Variants in SYNDIG1 observed in about 807,000 individuals in gnomAD.
SYNDIG1 encodes synapse differentiation inducing 1.
A neutral mutation model predicts 19.4 loss-of-function variants in SYNDIG1; 9 were observed. The ratio of observed to expected loss-of-function variants is 0.46; its 90% CI spans 0.28 to 0.81. The LOEUF (loss-of-function observed/expected upper bound fraction) is 0.81, where lower values mean the gene tolerates loss of function less well. Ranked by LOEUF, SYNDIG1 falls within the 30% of genes least tolerant of loss-of-function variation. The probability of loss-of-function intolerance (pLI) is 0.12; values close to 1 mark genes in which losing one functional copy is unlikely to be tolerated. For missense variants in SYNDIG1, 311 were observed against 343.3 expected, an observed-to-expected ratio of 0.91 and a Z score of 0.74; for synonymous variants, 141 against 145.9, an observed-to-expected ratio of 0.97 and a Z score of 0.24.
At chr20:24,517,462 C>CA (rs2056899957) in intron 1 of SYNDIG1, among the ~76,000 whole-genome samples, 1 of 149,302 alleles carries the variant, frequency 6.7e-6, no homozygotes, top group East Asian at 2.0e-4. Flanking sequence ...AAAAATACAA[C>CA]AAAAAAATTA....
At chr20:24,549,043 A>G in intron 2 of SYNDIG1, among the ~76,000 whole-genome samples, 1 of 152,166 alleles carries the variant, frequency 6.6e-6, no homozygotes, top group Non-Finnish European at 1.5e-5. Flanking sequence ...TCATTATCTC[A>G]AACTTTGATC....
chr20:24,606,082 A>C (rs149310665), intron 3 of SYNDIG1, among the ~76,000 whole-genome samples: 1 of 152,384 alleles, frequency 6.6e-6, no homozygotes, highest in Non-Finnish European at 1.5e-5. Flanking sequence ...GCTTCTGGTC[A>C]CTATCTGTGG....
chr20:24,634,128 C>A (rs1268494175), intron 3 of SYNDIG1, among the ~76,000 whole-genome samples: 1 of 152,218 alleles, frequency 6.6e-6, no homozygotes, highest in African/African-American at 2.4e-5. Flanking sequence ...AGCCCCTCCT[C>A]CAGGGGGACC....
intron 2 of SYNDIG1, among the ~76,000 whole-genome samples, chr20:24,583,293 G>C (rs2058360465): frequency 6.6e-6 from 1 of 152,232 alleles, no homozygotes; most frequent in African/African-American, 2.4e-5. Flanking sequence ...GGGCCCACCT[G>C]CACTTTTGTC....
chr20:24,470,613 A>T (rs555814763), intron 1 of SYNDIG1, among the ~76,000 whole-genome samples: 1 of 152,208 alleles, frequency 6.6e-6, no homozygotes, highest in East Asian at 1.9e-4. Context: ...TCACTGGATG[A>T]GTTGGGCACT....
chr20:24,517,302 A>G (rs1376288813), intron 1 of SYNDIG1, among the ~76,000 whole-genome samples: 1 of 143,910 alleles, frequency 6.9e-6, no homozygotes, highest in African/African-American at 2.7e-5. Context: ...AAGTATAATA[A>G]AAAAAAAAAT....
intron 1 of SYNDIG1, among the ~76,000 whole-genome samples, chr20:24,510,007 C>A (rs2056701203): frequency 6.6e-6 from 1 of 152,180 alleles, no homozygotes; most frequent in South Asian, 2.1e-4. Flanking sequence ...CCCGCTCACT[C>A]TTGTTCCTGC....
chr20:24,528,650 C>T (rs1008584214), intron 1 of SYNDIG1, among the ~76,000 whole-genome samples: 5 of 152,124 alleles, frequency 3.3e-5, no homozygotes, highest in Admixed American at 6.5e-5. Context: ...ATCCTATGGG[C>T]GAGGGCTTAA....
At chr20:24,615,355 C>T (rs922748042) in intron 3 of SYNDIG1, among the ~76,000 whole-genome samples, 18 of 152,270 alleles carry the variant, frequency 1.2e-4, no homozygotes, top group East Asian at 1.9e-4. Flanking sequence ...GGGTGATGAG[C>T]GAGACCTGGG....
At chr20:24,624,152 C>T (rs1407213074) in intron 3 of SYNDIG1, among the ~76,000 whole-genome samples, 2 of 150,276 alleles carry the variant, frequency 1.3e-5, no homozygotes, top group African/African-American at 2.4e-5. Flanking sequence ...GTCCCAGCTA[C>T]TTGGGAGGCA....
intron 1 of SYNDIG1, among the ~76,000 whole-genome samples, chr20:24,522,590 G>C (rs907866412): frequency 6.6e-6 from 1 of 152,154 alleles, no homozygotes; most frequent in African/African-American, 2.4e-5. Flanking sequence ...ATTTCACTCT[G>C]TGGGATGAGG....
intron 1 of SYNDIG1, among the ~76,000 whole-genome samples, chr20:24,473,058 C>T (rs2055515961): frequency 6.6e-6 from 1 of 152,188 alleles, no homozygotes; most frequent in Non-Finnish European, 1.5e-5. Flanking sequence ...ATGCAGGCTC[C>T]ATCTCAGAGT....
At chr20:24,524,411 C>G (rs754509840) in intron 1 of SYNDIG1, among the ~76,000 whole-genome samples, 19 of 152,068 alleles carry the variant, frequency 1.2e-4, no homozygotes, top group Admixed American at 1.1e-3. Context: ...TTTGGGAGGC[C>G]GAGGCGGGTG....
intron 3 of SYNDIG1, among the ~76,000 whole-genome samples, chr20:24,631,022 C>T (rs192467094): frequency 3.0e-3 from 457 of 152,286 alleles, no homozygotes; most frequent in African/African-American, 9.6e-3. Context: ...TTAACTGAGG[C>T]GGTCATAGAC....
At chr20:24,497,172 TTTTG>T (rs537794262) in intron 1 of SYNDIG1, among the ~76,000 whole-genome samples, 482 of 152,306 alleles carry the variant, frequency 3.2e-3, no homozygotes, top group Middle Eastern at 0.01. Flanking sequence ...TTTTCTTTTC[TTTTG>T]TTTGTTTGTT....
At chr20:24,531,453 GA>G (rs945370001) in intron 1 of SYNDIG1, among the ~76,000 whole-genome samples, 21 of 152,188 alleles carry the variant, frequency 1.4e-4, no homozygotes, top group African/African-American at 4.8e-4. Flanking sequence ...CGTAGGTTCA[GA>G]AAAAAAGGAA....
intron 2 of SYNDIG1, among the ~76,000 whole-genome samples, chr20:24,580,845 A>C (rs1012181083): frequency 3.9e-5 from 6 of 152,174 alleles, no homozygotes; most frequent in African/African-American, 1.4e-4. Context: ...AGTGCCCTGA[A>C]AGCTAAATCT....
chr20:24,534,141 G>A (rs1037155152), intron 1 of SYNDIG1, among the ~76,000 whole-genome samples: 3 of 152,152 alleles, frequency 2.0e-5, no homozygotes, highest in East Asian at 3.9e-4. Flanking sequence ...AGGGCACCTC[G>A]TTCCCGGCCC....
At chr20:24,663,622 A>G (rs1325413457) in intron 3 of SYNDIG1, among the ~76,000 whole-genome samples, 3 of 152,222 alleles carry the variant, frequency 2.0e-5, no homozygotes, top group Non-Finnish European at 4.4e-5. Flanking sequence ...ACAAGTGAGC[A>G]GGAAGGCAAC....
Sources: gnomAD v4.1 joint callset for allele counts (sites outside exome capture counted in the v4.1 genomes callset) on GRCh38, gnomAD v4.1.1 for gene constraint, MANE v1.5 for transcripts, NCBI Gene and HGNC (gene_info 2026-07-23, HGNC 2026-07-21) for gene names.